Variants in ATG2A observed in about 807,000 individuals in gnomAD.
ATG2A encodes the protein autophagy-related protein 2 homolog A.
In ATG2A, 103 loss-of-function variants were observed where a neutral mutation model predicts 214.2. The observed-to-expected ratio is 0.48, with a 90% CI of 0.41 to 0.57. The LOEUF (loss-of-function observed/expected upper bound fraction) is 0.57. Among genes scored for constraint, ATG2A ranks in the 20% least tolerant of loss-of-function variants. The pLI, the probability that ATG2A is intolerant of heterozygous loss-of-function variation, is 0.00. For synonymous variants in ATG2A, 1,160 were observed against 1,142.1 expected (o/e 1.02, Z -0.32); for missense variants, 2,312 against 2,613.2 (o/e 0.88, Z 2.51).
At position 64,903,440 on chromosome 11, in the gene ATG2A, C is replaced by T. The variant is rs1307264512; in HGVS notation, c.3536-76G>A. On this transcript the variant is annotated intron_variant, in intron 25 of 40. Transcript: ENST00000377264. The surrounding 1 kb of genome is among the most constrained non-coding windows in gnomAD (Gnocchi z 4.2). The stretch of plus-strand genomic sequence containing the variant: ...GGCCCCAGCACCTGGGGGAAGGATC[C>T]GGTTGATCCAGGTGTAGTCCCTGCT... 3 of 1,565,732 alleles carry T rather than the reference C, an allele frequency of 1.9e-6. No homozygotes were observed. The highest frequency in any genetic ancestry group is 2.7e-5 in the African/African-American group (2 of 73,960).
chr11:64,915,587 C>T (rs1345133944), intron 1 of ATG2A, among the ~76,000 whole-genome samples: 1 of 152,032 alleles, frequency 6.6e-6, no homozygotes, highest in Non-Finnish European at 1.5e-5. Flanking sequence ...ATCAAGAAAG[C>T]GCCTGCATTC....
chr11:64,899,070 C>T (rs1370150609), intron 31 of ATG2A, among the ~76,000 whole-genome samples: 1 of 152,202 alleles, frequency 6.6e-6, no homozygotes, highest in Non-Finnish European at 1.5e-5. Context: ...TGTGCCACCA[C>T]ACCCAGCTAA....
chr11:64,915,141 C>A (rs999821768), intron 1 of ATG2A, among the ~76,000 whole-genome samples: 24 of 90,112 alleles, frequency 2.7e-4, no homozygotes, highest in Non-Finnish European at 5.6e-4. Flanking sequence ...GACCCCCCCC[C>A]CCCACCACCA....
rs1944607519 is a variant in ATG2A at position 64,907,755 on chromosome 11, A to C, written c.2500T>G (p.Tyr834Asp). 1.2e-6 allele frequency: 2 copies of C among 1,613,214 alleles called. No homozygotes were observed. The highest frequency in any genetic ancestry group is 2.2e-5 in the South Asian group (2 of 91,014). The change falls in exon 17 of 41, where the codon TAC becomes GAC. Residue 834 changes from tyrosine (Y) to aspartate (D), a missense_variant. By Grantham distance (160) the Tyr-to-Asp change is radical (BLOSUM62 -3). Transcript: ENST00000377264. ...CTGGCCCCGGGTCTCCACCTGTTGTAGATGCTCTCGTAGACCTCCTTGCTG... is the reference window on the plus strand; with the variant it reads ...CTGGCCCCGGGTCTCCACCTGTTGTCGATGCTCTCGTAGACCTCCTTGCTG... ...LPSKEVYESI[Y>D]NRINNDLLMW...
Position 64,913,760 on chromosome 11 carries a change from C to A in ATG2A, c.590+61G>T. 6.6e-7 allele frequency: 1 copy of A among 1,510,014 alleles called. No individual in the cohort carries two copies. Among genetic ancestry groups the A allele is most frequent in the Non-Finnish European group, 9.1e-7 (1 of 1,095,944 alleles). 93.5% of individuals were successfully genotyped at this position (1,510,014 alleles called of 1,614,324 possible). A position where few individuals can be genotyped will look rare whatever the true frequency, so the allele number is the denominator to read the frequency against. On this transcript the variant is annotated intron_variant, in intron 4 of 40. Coordinates refer to ENST00000377264, the MANE Select transcript of ATG2A (RefSeq NM_015104.3). This position sits in a 1 kb window ranked among gnomAD's most constrained non-coding sequence, Gnocchi z 4.3. ...AGGAACCTAGGCTGCGGGTGGGGAC[C>A]ATCCAGCAGCCCCCACTCCCCATCT...
At position 64,898,865 on chromosome 11, in the gene ATG2A, G is replaced by C. The variant is rs1590624564; in HGVS notation, c.4465-23C>G. ...TACCTGTGGGGTGGACAGAGGCCTG[G>C]CCAGGTAAGCAGGGCCCCAAGAGGG... On this transcript the variant is annotated intron_variant, in intron 31 of 40. Coordinates refer to ENST00000377264, the MANE Select transcript of ATG2A (RefSeq NM_015104.3). The surrounding 1 kb of genome is among the most constrained non-coding windows in gnomAD (Gnocchi z 4.5). 1 of 1,598,236 alleles carries C rather than the reference G, an allele frequency of 6.3e-7. No homozygotes were observed. The highest frequency in any genetic ancestry group is 1.1e-5 in the South Asian group (1 of 90,760).
At position 64,910,611 on chromosome 11, in the gene ATG2A, G is replaced by A. The variant is rs369259508; in HGVS notation, c.1707+5C>T. On this transcript the variant is annotated splice_donor_5th_base_variant and intron_variant, in intron 12 of 40. Coordinates refer to ENST00000377264, the MANE Select transcript of ATG2A (RefSeq NM_015104.3). ...CAGCCTGGTGGCCTGGAGCGGGTGGGTTACCTTAGGCACACGGCGCAGGAT... is the reference window on the plus strand; with the variant it reads ...CAGCCTGGTGGCCTGGAGCGGGTGGATTACCTTAGGCACACGGCGCAGGAT... 4.1e-5 allele frequency: 66 copies of A among 1,595,208 alleles called. No homozygotes were observed. In the African/African-American group the frequency reaches 8.5e-4, roughly 20 times the overall value.
At position 64,905,640 on chromosome 11, in the gene ATG2A, T is replaced by C. The variant is rs1263311861; in HGVS notation, c.3387A>G (p.Pro1129=). The C allele has an allele frequency of 1.2e-6, 2 of 1,613,766 alleles. No homozygotes were observed. The highest frequency in any genetic ancestry group is 1.3e-5 in the African/African-American group (1 of 74,916). The change falls in exon 24 of 41, where the codon CCA becomes CCG. Residue 1129 remains proline (P), a synonymous_variant. Coordinates refer to ENST00000377264, the MANE Select transcript of ATG2A (RefSeq NM_015104.3). ...CSVDYRPLYL[P]VRVLITAETF... ...TCTCCGCGGTGATGAGGACACGCAC[T>C]GGGAGGTAGAGTGGCCTGGGGGTGA...
chr11:64,912,494 G>T, intron 6 of ATG2A, 71 bp from the exon 7 acceptor site: 2 of 1,318,810 alleles, frequency 1.5e-6, no homozygotes, highest in Non-Finnish European at 2.0e-6. Flanking sequence ...CCACCCGCCT[G>T]CCCTCGCCCT....
Position 64,913,526 on chromosome 11 carries a change from C to T in ATG2A, c.591-125G>A. On this transcript the variant is annotated intron_variant, in intron 4 of 40. Transcript: ENST00000377264. The surrounding 1 kb of genome is among the most constrained non-coding windows in gnomAD (Gnocchi z 4.3). ...AGCCTGCAGAGCTGCCCCATCACAC[C>T]TAGGCCGTCCTGAACCACCATGTCC... 1 of 1,263,652 alleles carries T rather than the reference C, an allele frequency of 7.9e-7. No homozygotes were observed. The highest frequency in any genetic ancestry group is 1.1e-6 in the Non-Finnish European group (1 of 939,548). 78.3% of individuals were successfully genotyped at this position (1,263,652 alleles called of 1,614,324 possible).
At position 64,913,557 on chromosome 11, in the gene ATG2A, G is replaced by A. The variant is rs146147901; in HGVS notation, c.591-156C>T. On this transcript the variant is annotated intron_variant, in intron 4 of 40. Coordinates refer to ENST00000377264, the MANE Select transcript of ATG2A (RefSeq NM_015104.3). This position sits in a 1 kb window ranked among gnomAD's most constrained non-coding sequence, Gnocchi z 4.3. ...CGTCCTGAACCACCATGTCCAGCCC[G>A]GAGGCTCAGGCCAGCCCTTGCTCCT... The A allele has an allele frequency of 2.4e-5, 26 of 1,065,940 alleles. No homozygotes were observed. The highest frequency in any genetic ancestry group is 1.1e-4 in the African/African-American group (7 of 62,492). The allele number at this position is 1,065,940 out of a possible 1,614,324, so 66.0% of individuals were successfully genotyped here.
intron 14 of ATG2A, among the ~76,000 whole-genome samples, 156 bp downstream of exon 14, chr11:64,909,525 G>A (rs1330856889): frequency 6.6e-6 from 1 of 152,240 alleles, no homozygotes; most frequent in Non-Finnish European, 1.5e-5. Flanking sequence ...TGTCGGTGAG[G>A]AGGCCGGGGA....
intron 37 of ATG2A, 26 bp downstream of exon 37, chr11:64,897,386 G>A (rs866144713): frequency 1.3e-6 from 2 of 1,553,706 alleles, no homozygotes; most frequent in Middle Eastern, 1.7e-4. Context: ...GGACCCTGGA[G>A]AGAGGCTGGG....
intron 1 of ATG2A, among the ~76,000 whole-genome samples, chr11:64,915,350 A>G (rs1205556962): frequency 6.6e-6 from 1 of 152,142 alleles, no homozygotes; most frequent in Non-Finnish European, 1.5e-5. Context: ...AAAAAAGCAC[A>G]TGGCAGAGCA....
rs796211953 is a variant in ATG2A at position 64,898,568 on chromosome 11, A to G, written c.4671+68T>C. On this transcript the variant is annotated intron_variant, in intron 32 of 40. Transcript: ENST00000377264. The surrounding 1 kb of genome is among the most constrained non-coding windows in gnomAD (Gnocchi z 4.5). ...TGCGTGTATGTGTGTGAATCCATGC[A>G]TGCGTGAAGATGTATCCCCAACGGT... is the stretch of plus-strand genomic sequence containing the variant. 170 of 1,547,756 alleles carry G rather than the reference A, an allele frequency of 1.1e-4. 1 individual carries two copies. The African/African-American group carries it at 2.1e-3, about 19-fold the overall frequency.
At chr11:64,897,214 T>G (rs1264127866) in intron 37 of ATG2A, 198 bp downstream of exon 37, 14 of 640,112 alleles carry the variant, frequency 2.2e-5, no homozygotes, top group African/African-American at 9.4e-5. Flanking sequence ...GACGGGGGGG[T>G]TTCACCATGT....
intron 24 of ATG2A, among the ~76,000 whole-genome samples, chr11:64,905,039 AGAGACGGG>A (rs564309022): frequency 2.0e-5 from 3 of 152,254 alleles, no homozygotes; most frequent in African/African-American, 7.2e-5. Flanking sequence ...TATTTTTAGT[AGAGACGGG>A]GTTTCACCAT....
chr11:64,902,799 G>T (rs1944404665), intron 26 of ATG2A, 119 bp from the exon 27 acceptor site: 1 of 902,714 alleles, frequency 1.1e-6, no homozygotes. Flanking sequence ...AACAGGGATG[G>T]TCTCTCCTGG....
In ATG2A at chr11:64,909,159, G is replaced by T. The variant is rs765377839; in HGVS notation, c.2205-9C>A. The stretch of plus-strand genomic sequence containing the variant: ...TCACAGTCACCACTACCCTGCCGGG[G>T]CACAGGCCTGTTACTGGCCTGCAGG... On this transcript the variant is annotated splice_polypyrimidine_tract_variant and intron_variant, in intron 15 of 40. Coordinates refer to ENST00000377264, the MANE Select transcript of ATG2A (RefSeq NM_015104.3). 1.2e-6 allele frequency: 2 copies of T among 1,606,620 alleles called. No homozygotes were observed. The highest frequency in any genetic ancestry group is 2.2e-5 in the South Asian group (2 of 90,234).
Sources: gnomAD v4.1 joint callset for allele counts (sites outside exome capture counted in the v4.1 genomes callset) on GRCh38, gnomAD v4.1.1 for gene constraint, Gnocchi (gnomAD v3.1) non-coding constraint, MANE v1.5 for transcripts, NCBI Gene and HGNC (gene_info 2026-07-23, HGNC 2026-07-21) for gene names.